Variants in CEP128 observed in about 807,000 individuals in gnomAD.
CEP128 encodes centrosomal protein 128, also known as centrosomal protein 128kDa.
CEP128 carries 132 observed loss-of-function variants against 156.7 expected under a neutral mutation model. That is an observed-to-expected ratio of 0.84 (90% confidence interval 0.73 to 0.97). The LOEUF is 0.97. Among genes scored for constraint, CEP128 ranks in the 50% least tolerant of loss-of-function variants. The probability of loss-of-function intolerance (pLI) is 0.00; values close to 1 mark genes in which losing one functional copy is unlikely to be tolerated. For missense variants in CEP128, 1,252 were observed against 1,281.9 expected, an observed-to-expected ratio of 0.98 and a Z score of 0.36; for synonymous variants, 469 against 448.9, an observed-to-expected ratio of 1.04 and a Z score of -0.57.
intron 19 of CEP128, among the ~76,000 whole-genome samples, chr14:80,732,759 G>A (rs1472968986): frequency 6.6e-6 from 1 of 152,074 alleles, no homozygotes; most frequent in African/African-American, 2.4e-5. Context: ...ACCCACAAGA[G>A]TGTTCCTGCC....
At chr14:80,645,591 G>A (rs10140109) in intron 19 of CEP128, among the ~76,000 whole-genome samples, 44,579 of 151,956 alleles carry the variant, frequency 0.29, 8,489 homozygotes, top group African/African-American at 0.53. Flanking sequence ...AGGATGTGGA[G>A]CAAAAGGAAC....
intron 19 of CEP128, among the ~76,000 whole-genome samples, chr14:80,617,151 G>T (rs115597065): frequency 0.012 from 1,758 of 147,962 alleles, 34 homozygotes; most frequent in African/African-American, 0.041. Context: ...TTGGCAATTT[G>T]CAGACTTGGG....
chr14:80,515,804 C>T (rs916266636), intron 23 of CEP128, among the ~76,000 whole-genome samples: 1 of 152,204 alleles, frequency 6.6e-6, no homozygotes, highest in Non-Finnish European at 1.5e-5. Flanking sequence ...TGCTGGGTCA[C>T]ACCTGAAGCT....
exon 15 of CEP128, chr14:80,477,207 G>A (rs1359526098): frequency 6.6e-6 from 1 of 152,062 alleles, no homozygotes; most frequent in Non-Finnish European, 1.5e-5. Context: ...TGAAACAACA[G>A]CTGCTCTTAT....
At chr14:80,641,430 G>A (rs1191126638) in intron 19 of CEP128, among the ~76,000 whole-genome samples, 3 of 152,190 alleles carry the variant, frequency 2.0e-5, no homozygotes, top group African/African-American at 7.2e-5. Context: ...GTTTTATCAA[G>A]TACCAGTTTC....
rs1302704231 is a variant in CEP128 at position 80,904,946 on chromosome 14, GA to G, written c.362-16del. 1 of 1,388,060 alleles carries G rather than the reference GA, an allele frequency of 7.2e-7. No individual in the cohort carries two copies. The highest frequency in any genetic ancestry group is 1.0e-6 in the Non-Finnish European group (1 of 974,216). 86.0% of individuals were successfully genotyped at this position (1,388,060 alleles called of 1,614,324 possible). ...ATGATGGAGCTCTTCACAAGTGAAA[GA>G]AAAGGGAAGGTATTAAAATACTGCA... On this transcript the variant is annotated splice_polypyrimidine_tract_variant and intron_variant, in intron 5 of 24. Coordinates refer to ENST00000555265, the MANE Select transcript of CEP128 (RefSeq NM_152446.5).
intron 19 of CEP128, among the ~76,000 whole-genome samples, chr14:80,724,811 T>C (rs1477354216): frequency 6.6e-6 from 1 of 151,852 alleles, no homozygotes; most frequent in African/African-American, 2.4e-5. Flanking sequence ...TTAATGTTTT[T>C]TTCTTTTTCA....
intron 15 of CEP128, among the ~76,000 whole-genome samples, chr14:80,783,258 ACC>A (rs1026472622): frequency 1.3e-5 from 2 of 152,264 alleles, no homozygotes; most frequent in Middle Eastern, 3.4e-3. Context: ...ATCATTATCC[ACC>A]TAATCTCCCA....
intron 19 of CEP128, among the ~76,000 whole-genome samples, chr14:80,650,289 T>C (rs1455259594): frequency 7.2e-5 from 11 of 152,220 alleles, no homozygotes. Context: ...TTTGCTGAAG[T>C]TGCTTATCAG....
chr14:80,714,840 T>A (rs1399808124), intron 19 of CEP128, among the ~76,000 whole-genome samples: 2 of 151,594 alleles, frequency 1.3e-5, no homozygotes, highest in African/African-American at 4.8e-5. Context: ...ATCACTCAAA[T>A]ATCATCTTAT....
intron 20 of CEP128, among the ~76,000 whole-genome samples, chr14:80,559,633 A>C (rs1327722782): frequency 2.0e-5 from 3 of 152,244 alleles, no homozygotes; most frequent in African/African-American, 7.2e-5. Flanking sequence ...TGATTATATG[A>C]ATCACAACTA....
chr14:80,539,208 T>C (rs958969887), intron 21 of CEP128, among the ~76,000 whole-genome samples: 1 of 152,196 alleles, frequency 6.6e-6, no homozygotes, highest in South Asian at 2.1e-4. Flanking sequence ...TATGATGTCA[T>C]AAACACTCTG....
At chr14:80,613,255 C>T (rs960394180) in intron 19 of CEP128, among the ~76,000 whole-genome samples, 1 of 148,946 alleles carries the variant, frequency 6.7e-6, no homozygotes, top group Non-Finnish European at 1.5e-5. Context: ...AAATATACAA[C>T]AACTGCCGTC....
At chr14:80,650,911 A>G (rs143476460) in intron 19 of CEP128, among the ~76,000 whole-genome samples, 1 of 152,224 alleles carries the variant, frequency 6.6e-6, no homozygotes. Flanking sequence ...AGGTTTTGGT[A>G]TCAGGATGAT....
intron 19 of CEP128, among the ~76,000 whole-genome samples, chr14:80,598,427 A>C (rs1892434696): frequency 6.6e-6 from 1 of 152,176 alleles, no homozygotes; most frequent in Non-Finnish European, 1.5e-5. Context: ...CATGTAAAGA[A>C]TTTGTTTGCA....
chr14:80,788,897 C>A (rs1901559951), intron 14 of CEP128, among the ~76,000 whole-genome samples: 1 of 152,126 alleles, frequency 6.6e-6, no homozygotes, highest in Non-Finnish European at 1.5e-5. Context: ...CAGAACTGCT[C>A]CAGCTCTCTG....
At chr14:80,503,854 A>G (rs1290725095) in intron 24 of CEP128, among the ~76,000 whole-genome samples, 1 of 152,232 alleles carries the variant, frequency 6.6e-6, no homozygotes, top group Non-Finnish European at 1.5e-5. Flanking sequence ...TTTAGACTAA[A>G]ATAATCATGA....
In CEP128 at chr14:80,601,349, G is replaced by C. The variant is rs996860143; in HGVS notation, c.2807-20926C>G. On this transcript the variant is annotated intron_variant, in intron 19 of 24. Transcript: ENST00000555265. ...TCATTTTGCAAACATCGTAGAACAG[G>C]GGTGTCCAATCTTTTGGCTTCCCTG... Among the ~76,000 whole-genome samples the C allele has an allele frequency of 2.6e-5, 4 of 152,118 alleles. No homozygotes were observed. In the East Asian group the frequency reaches 7.7e-4, roughly 29 times the overall value.
At chr14:80,792,100 T>C (rs545311986) in intron 14 of CEP128, among the ~76,000 whole-genome samples, 4 of 152,298 alleles carry the variant, frequency 2.6e-5, no homozygotes, top group African/African-American at 7.2e-5. Context: ...AGAATCAACA[T>C]AGGAGCATAA....
Sources: allele counts gnomAD v4.1 joint callset (sites outside exome capture counted in the v4.1 genomes callset), GRCh38; gene constraint gnomAD v4.1.1; transcripts MANE v1.5; gene names NCBI Gene and HGNC (gene_info 2026-07-23, HGNC 2026-07-21).